Variants in BMPR1A observed in about 807,000 individuals in gnomAD.
BMPR1A encodes the protein bone morphogenetic protein receptor type-1A.
BMPR1A carries 7 observed loss-of-function variants against 66.0 expected under a neutral mutation model. The ratio of observed to expected loss-of-function variants is 0.11; its 90% CI spans 0.06 to 0.20. BMPR1A has a LOEUF of 0.20. Ranked by LOEUF, BMPR1A falls within the 10% of genes least tolerant of loss-of-function variation. The pLI is 1.00. For missense variants in BMPR1A, 408 were observed against 669.1 expected, an observed-to-expected ratio of 0.61 and a Z score of 4.31; for synonymous variants, 200 against 229.7, an observed-to-expected ratio of 0.87 and a Z score of 1.17.
chr10:86,898,484 C>T (rs754411983), intron 5 of BMPR1A, among the ~76,000 whole-genome samples: 42 of 152,108 alleles, frequency 2.8e-4, no homozygotes, highest in African/African-American at 6.8e-4. Flanking sequence ...AAGATCTCTT[C>T]GTACATTTGG....
At chr10:86,791,711 C>CCCTTCCTTCCTTCCTTCCTTCCTT (rs765110217) in intron 1 of BMPR1A, among the ~76,000 whole-genome samples, 1 of 56,440 alleles carries the variant, frequency 1.8e-5, no homozygotes, top group Non-Finnish European at 3.1e-5. Context: ...CTCCCTCCCT[C>CCCTTCCTTCCTTCCTTCCTTCCTT]CCTTCCTTCC....
intron 8 of BMPR1A, among the ~76,000 whole-genome samples, chr10:86,916,788 C>T (rs1179996673): frequency 3.3e-5 from 5 of 152,044 alleles, no homozygotes; most frequent in Admixed American, 6.5e-5. Context: ...GTCAGGAGTT[C>T]AAGACCAGCC....
At position 86,806,203 on chromosome 10, in the gene BMPR1A, C is replaced by T. The variant is rs115401024; in HGVS notation, c.-267-32662C>T. 4.5e-3 allele frequency among the ~76,000 whole-genome samples: 680 copies of T among 152,264 alleles called. 9 individuals carry two copies. Among genetic ancestry groups the T allele is most frequent in the African/African-American group, 0.015 (641 of 41,550 alleles). ...CAGAAGCATACTATGTCTGTCCTAC[C>T]TGTCATTGGTCATGTTAATTTTGAT... On this transcript the variant is annotated intron_variant, in intron 1 of 12. Transcript: ENST00000372037.
At chr10:86,794,027 C>T (rs1841669073) in intron 1 of BMPR1A, among the ~76,000 whole-genome samples, 1 of 152,148 alleles carries the variant, frequency 6.6e-6, no homozygotes, top group South Asian at 2.1e-4. Flanking sequence ...TTTTAAGGAC[C>T]ATGTGAGTAG....
At chr10:86,811,800 C>G (rs1841974955) in intron 1 of BMPR1A, among the ~76,000 whole-genome samples, 1 of 152,122 alleles carries the variant, frequency 6.6e-6, no homozygotes, top group African/African-American at 2.4e-5. Flanking sequence ...CATTTGTTAG[C>G]TGACAAACTT....
chr10:86,890,283 A>G, intron 4 of BMPR1A, 59 bp downstream of exon 4: 2 of 1,590,832 alleles, frequency 1.3e-6, no homozygotes, highest in Non-Finnish European at 1.7e-6. Context: ...ATTTAGTGCT[A>G]TTTTAAGAAT....
At chr10:86,770,551 A>T (rs1393167616) in intron 1 of BMPR1A, among the ~76,000 whole-genome samples, 1 of 152,122 alleles carries the variant, frequency 6.6e-6, no homozygotes, top group African/African-American at 2.4e-5. Flanking sequence ...TGTGATACAG[A>T]CAGTGTAGTC....
At chr10:86,827,785 C>T (rs1026054352) in intron 1 of BMPR1A, among the ~76,000 whole-genome samples, 1 of 152,150 alleles carries the variant, frequency 6.6e-6, no homozygotes, top group Admixed American at 6.5e-5. Flanking sequence ...TTTAGCTCCA[C>T]CCATCTTTGT....
At chr10:86,813,191 C>G (rs904436029) in intron 1 of BMPR1A, among the ~76,000 whole-genome samples, 13 of 152,154 alleles carry the variant, frequency 8.5e-5, no homozygotes, top group Non-Finnish European at 1.5e-5. Flanking sequence ...TGTTAAAGCT[C>G]AAATTGTTCG....
chr10:86,916,202 A>G (rs1215034447), intron 8 of BMPR1A, among the ~76,000 whole-genome samples: 1 of 152,192 alleles, frequency 6.6e-6, no homozygotes. Context: ...CAAAGCAAAT[A>G]ATGGGACCAG....
intron 1 of BMPR1A, among the ~76,000 whole-genome samples, chr10:86,787,794 C>T (rs963802329): frequency 1.3e-5 from 2 of 152,092 alleles, no homozygotes; most frequent in Admixed American, 6.6e-5. Context: ...CTTCACATGA[C>T]AGCAGGAGAG....
intron 1 of BMPR1A, among the ~76,000 whole-genome samples, chr10:86,780,743 A>G (rs1449220567): frequency 6.6e-6 from 1 of 151,782 alleles, no homozygotes. Flanking sequence ...CTGGCTAAGG[A>G]TTTATAATAG....
intron 3 of BMPR1A, among the ~76,000 whole-genome samples, chr10:86,877,713 C>T (rs1023901428): frequency 3.9e-5 from 6 of 152,158 alleles, no homozygotes; most frequent in African/African-American, 1.2e-4. Flanking sequence ...CTGTTACATG[C>T]CTTGTTGATC....
chr10:86,917,461 C>G lies in BMPR1A; in HGVS notation c.868+135C>G, dbSNP rs12263207. The G allele has an allele frequency of 9.4e-3, 9,988 of 1,063,676 alleles. 635 individuals carry two copies. In the African/African-American group the frequency reaches 0.14, roughly 14 times the overall value. 65.9% of individuals were successfully genotyped at this position (1,063,676 alleles called of 1,614,324 possible). On this transcript the variant is annotated intron_variant, in intron 9 of 12. Coordinates refer to ENST00000372037, the MANE Select transcript of BMPR1A (RefSeq NM_004329.3). Reference sequence around the variant, plus strand: ...GCTAAAGGAAACCTAGTAGAATACACGGTTTGAATAAAACATAGTCCGGAA... The same window carrying G: ...GCTAAAGGAAACCTAGTAGAATACAGGGTTTGAATAAAACATAGTCCGGAA...
At chr10:86,886,440 G>A (rs1431409892) in intron 3 of BMPR1A, among the ~76,000 whole-genome samples, 1 of 152,194 alleles carries the variant, frequency 6.6e-6, no homozygotes, top group Non-Finnish European at 1.5e-5. Flanking sequence ...GATGTGATGG[G>A]CCTTGGTGAC....
intron 1 of BMPR1A, among the ~76,000 whole-genome samples, chr10:86,832,708 G>A (rs944982369): frequency 5.9e-5 from 9 of 152,158 alleles, no homozygotes; most frequent in Admixed American, 1.3e-4. Context: ...TTCATCTAGC[G>A]TGTCTTTGAG....
At chr10:86,778,666 G>T (rs896561022) in intron 1 of BMPR1A, among the ~76,000 whole-genome samples, 1 of 151,952 alleles carries the variant, frequency 6.6e-6, no homozygotes, top group African/African-American at 2.4e-5. Context: ...CCTTCCTACC[G>T]TAGGATAAAG....
At chr10:86,815,644 C>T (rs1239578209) in intron 1 of BMPR1A, among the ~76,000 whole-genome samples, 1 of 152,168 alleles carries the variant, frequency 6.6e-6, no homozygotes, top group African/African-American at 2.4e-5. Flanking sequence ...GAGTTCAGGC[C>T]AAACACTGGT....
intron 1 of BMPR1A, among the ~76,000 whole-genome samples, chr10:86,836,171 G>A (rs1459278736): frequency 1.3e-5 from 2 of 152,208 alleles, no homozygotes; most frequent in African/African-American, 4.8e-5. Context: ...TTAAAAGCCT[G>A]TGGTAAATTA....
Sources: gnomAD v4.1 joint callset for allele counts (sites outside exome capture counted in the v4.1 genomes callset) on GRCh38, gnomAD v4.1.1 for gene constraint, MANE v1.5 for transcripts, NCBI Gene and HGNC (gene_info 2026-07-23, HGNC 2026-07-21) for gene names.